DIP2C: variants seen among roughly 807,000 people sequenced by gnomAD.
DIP2C encodes DIP2 acetate--CoA ligase C (putative).
Under a neutral mutation model 192.4 loss-of-function variants are expected in DIP2C, and 33 were observed. That is an observed-to-expected ratio of 0.17 (90% confidence interval 0.13 to 0.23). The LOEUF is 0.23. DIP2C is among the 10% of genes least tolerant of loss of function. The pLI is 1.00. For synonymous variants in DIP2C, 979 were observed against 864.1 expected (o/e 1.13, Z -2.33); for missense variants, 1,537 against 2,110.1 (o/e 0.73, Z 5.32).
At chr10:309,583 G>C (rs1266362895) in intron 32 of DIP2C, among the ~76,000 whole-genome samples, 1 of 149,864 alleles carries the variant, frequency 6.7e-6, no homozygotes, top group Non-Finnish European at 1.5e-5. Context: ...TTTTGAGACG[G>C]GATCTCACTC....
intron 9 of DIP2C, among the ~76,000 whole-genome samples, chr10:404,529 T>G (rs1287282946): frequency 6.6e-6 from 1 of 152,188 alleles, no homozygotes; most frequent in Non-Finnish European, 1.5e-5. Context: ...AGTTAAACAA[T>G]TTTTTATGAA....
chr10:640,882 C>G (rs1426982275), intron 1 of DIP2C, among the ~76,000 whole-genome samples: 5 of 152,216 alleles, frequency 3.3e-5, no homozygotes, highest in East Asian at 1.9e-4. Context: ...GCCACAGAGA[C>G]AGCCCCACCC....
At chr10:449,571 T>C (rs1048942017) in intron 3 of DIP2C, among the ~76,000 whole-genome samples, 2 of 148,000 alleles carry the variant, frequency 1.4e-5, no homozygotes, top group African/African-American at 2.5e-5. Context: ...AGGCAGCCTA[T>C]TCTTGTGAAA....
intron 17 of DIP2C, among the ~76,000 whole-genome samples, chr10:376,553 G>A (rs1589648646): frequency 9.2e-6 from 1 of 109,096 alleles, no homozygotes; most frequent in East Asian, 2.7e-4. Context: ...CCCCGAGGAA[G>A]TGTCTTTTTT....
At chr10:428,023 T>C (rs910703941) in intron 4 of DIP2C, among the ~76,000 whole-genome samples, 3 of 152,160 alleles carry the variant, frequency 2.0e-5, no homozygotes, top group Non-Finnish European at 2.9e-5. Flanking sequence ...AACTGGTAAA[T>C]GAATAAACAG....
At chr10:511,259 T>C (rs1168051436) in intron 1 of DIP2C, among the ~76,000 whole-genome samples, 1 of 152,154 alleles carries the variant, frequency 6.6e-6, no homozygotes, top group East Asian at 1.9e-4. Context: ...TCAAGGGCGG[T>C]GTGTCCTGCC....
rs533342552 is a variant in DIP2C, at chr10:634,413, G to A, written c.85+55081C>T. ...CCATCAGCTCAGAGTTGGAAGTAGC[G>A]CTGGAGAATGAGGTGGTTTCAGGTT... is the stretch of plus-strand genomic sequence containing the variant. On this transcript the variant is annotated intron_variant, in intron 1 of 36. Coordinates refer to ENST00000280886, the MANE Select transcript of DIP2C (RefSeq NM_014974.3). Among the ~76,000 whole-genome samples the A allele has an allele frequency of 2.6e-5, 4 of 152,344 alleles. No homozygotes were observed. The South Asian group carries it at 6.2e-4, about 24-fold the overall frequency.
intron 2 of DIP2C, among the ~76,000 whole-genome samples, chr10:484,436 G>T (rs1386390577): frequency 6.6e-6 from 1 of 152,196 alleles, no homozygotes; most frequent in Non-Finnish European, 1.5e-5. Context: ...TTGGGTCTTT[G>T]GCTATAAGAT....
chr10:622,609 C>T (rs987994170), intron 1 of DIP2C, among the ~76,000 whole-genome samples: 1 of 152,172 alleles, frequency 6.6e-6, no homozygotes, highest in Non-Finnish European at 1.5e-5. Flanking sequence ...AAGCACCATG[C>T]CTTGCCCTTT....
chr10:617,091 A>C (rs1055014725), intron 1 of DIP2C, among the ~76,000 whole-genome samples: 1 of 152,314 alleles, frequency 6.6e-6, no homozygotes, highest in Admixed American at 6.5e-5. Context: ...TCACAGGCCC[A>C]GAGGTGCCCC....
At chr10:465,573 A>G (rs1372542444) in intron 3 of DIP2C, among the ~76,000 whole-genome samples, 1 of 152,084 alleles carries the variant, frequency 6.6e-6, no homozygotes, top group Non-Finnish European at 1.5e-5. Flanking sequence ...AAGGGTATTC[A>G]ATTAGGAAAA....
intron 36 of DIP2C, 103 bp from the exon 37 acceptor site, chr10:277,680 C>A: frequency 6.8e-7 from 1 of 1,474,964 alleles, no homozygotes; most frequent in Non-Finnish European, 9.1e-7. Context: ...TGCCTGAGCA[C>A]TGCCCGACAG....
chr10:337,238 G>GAT (rs753953901), intron 29 of DIP2C, among the ~76,000 whole-genome samples: 299 of 14,460 alleles, frequency 0.021, 50 homozygotes, highest in Admixed American at 0.036. Flanking sequence ...GGCCTAGGCC[G>GAT]GTGTGTGTGT....
intron 1 of DIP2C, among the ~76,000 whole-genome samples, chr10:570,007 T>C (rs1214183870): frequency 6.6e-6 from 1 of 152,146 alleles, no homozygotes; most frequent in Non-Finnish European, 1.5e-5. Context: ...CCCTGGATAG[T>C]ATCAATGGCC....
rs764986835 is a variant in DIP2C at position 357,840 on chromosome 10, G to A, written c.2892C>T (p.Asp964=). 1 of 1,612,376 alleles carries A rather than the reference G, an allele frequency of 6.2e-7. No homozygotes were observed. Among genetic ancestry groups the A allele is most frequent in the South Asian group, 1.1e-5 (1 of 91,028 alleles). Residue 964 remains aspartate (D), a synonymous_variant, in exon 23 of 37, where the codon GAC becomes GAT. Coordinates refer to ENST00000280886, the MANE Select transcript of DIP2C (RefSeq NM_014974.3). ...ACCCAGCTCCTACCTTGCGTGCCTG[G>A]TCGTTATCTTCGATCTGACCCAGGT... ...GRDLGQIEDN[D]QARKFLFLSE...
At chr10:642,562 G>A (rs926643957) in intron 1 of DIP2C, among the ~76,000 whole-genome samples, 1 of 152,256 alleles carries the variant, frequency 6.6e-6, no homozygotes, top group East Asian at 1.9e-4. Flanking sequence ...CACAACTAGT[G>A]ATAAATATCA....
rs999605359 is a variant in DIP2C, at chr10:275,417, G to A, written c.*1908C>T. The stretch of plus-strand genomic sequence containing the variant: ...CAATATTTCAAGAATCAAATGGTTT[G>A]TGGAGATGGAAGGATGCACCACATA... On this transcript the variant is annotated 3_prime_UTR_variant, in exon 37 of 37. Coordinates refer to ENST00000280886, the MANE Select transcript of DIP2C (RefSeq NM_014974.3). The A allele has an allele frequency of 1.3e-5, 2 of 150,966 alleles. No homozygotes were observed. The highest frequency in any genetic ancestry group is 2.9e-5 in the Non-Finnish European group (2 of 67,888). The allele number at this position is 150,966 out of a possible 1,614,324, so 9.4% of individuals were successfully genotyped here.
chr10:437,585 T>C (rs568262742), intron 4 of DIP2C: 3 of 152,394 alleles, frequency 2.0e-5, no homozygotes, highest in South Asian at 4.1e-4. Flanking sequence ...GGCACAGCTG[T>C]AGTCACAGAC....
intron 4 of DIP2C, among the ~76,000 whole-genome samples, chr10:439,205 C>G (rs118130366): frequency 2.0e-5 from 3 of 152,112 alleles, no homozygotes; most frequent in Non-Finnish European, 4.4e-5. Flanking sequence ...CAAGGGAGCA[C>G]GTTGGCAGAA....
Sources: gnomAD v4.1 joint callset for allele counts (sites outside exome capture counted in the v4.1 genomes callset) on GRCh38, gnomAD v4.1.1 for gene constraint, MANE v1.5 for transcripts, NCBI Gene and HGNC (gene_info 2026-07-23, HGNC 2026-07-21) for gene names.